Variants in ADGRL3 observed in about 807,000 individuals in gnomAD.
ADGRL3 encodes the protein adhesion G protein-coupled receptor L3.
A neutral mutation model predicts 153.5 loss-of-function variants in ADGRL3; 62 were observed. That is an observed-to-expected ratio of 0.40 (90% confidence interval 0.33 to 0.50). The LOEUF is 0.50. ADGRL3 is among the 20% of genes least tolerant of loss of function. ADGRL3 has a pLI of 0.47. For missense variants in ADGRL3, 1,641 were observed against 1,859.4 expected, an observed-to-expected ratio of 0.88 and a Z score of 2.16; for synonymous variants, 710 against 672.5, an observed-to-expected ratio of 1.06 and a Z score of -0.86.
intron 23 of ADGRL3, among the ~76,000 whole-genome samples, chr4:62,033,126 G>A (rs994407746): frequency 5.9e-5 from 9 of 151,726 alleles, no homozygotes; most frequent in Non-Finnish European, 1.2e-4. Context: ...AAGGGACATA[G>A]GCTGATGAAG....
intron 9 of ADGRL3, among the ~76,000 whole-genome samples, chr4:61,853,789 C>G (rs2098234553): frequency 6.6e-6 from 1 of 152,112 alleles, no homozygotes; most frequent in African/African-American, 2.4e-5. Context: ...TCCAGGTTTC[C>G]CAGTCATAGT....
chr4:61,917,203 C>G (rs765006129), intron 13 of ADGRL3, among the ~76,000 whole-genome samples: 1 of 152,108 alleles, frequency 6.6e-6, no homozygotes, highest in African/African-American at 2.4e-5. Flanking sequence ...AGAGGCGTGT[C>G]CTCCTAATCT....
At chr4:61,239,189 A>C (rs1753996473) in intron 1 of ADGRL3, among the ~76,000 whole-genome samples, 1 of 152,178 alleles carries the variant, frequency 6.6e-6, no homozygotes, top group Admixed American at 6.6e-5. Flanking sequence ...GGAGAGTCAA[A>C]GCATGAATGA....
chr4:61,676,416 T>C (rs1466200164), intron 5 of ADGRL3, among the ~76,000 whole-genome samples: 4 of 152,052 alleles, frequency 2.6e-5, no homozygotes, highest in African/African-American at 9.6e-5. Context: ...TCAGTGAATT[T>C]ATTTTACAAC....
chr4:62,022,677 T>C (rs574354669), intron 21 of ADGRL3, among the ~76,000 whole-genome samples: 25 of 152,040 alleles, frequency 1.6e-4, no homozygotes, highest in Admixed American at 1.2e-3. Flanking sequence ...AGAATTATGT[T>C]AAATCTACCC....
chr4:61,413,152 A>T (rs1382302406), intron 2 of ADGRL3, among the ~76,000 whole-genome samples: 2 of 152,146 alleles, frequency 1.3e-5, no homozygotes, highest in African/African-American at 2.4e-5. Context: ...TACTGCTGAT[A>T]TTGAAGCTTT....
chr4:61,422,686 G>A (rs1346105438), intron 2 of ADGRL3, among the ~76,000 whole-genome samples: 1 of 151,986 alleles, frequency 6.6e-6, no homozygotes, highest in African/African-American at 2.4e-5. Context: ...GTAACACCCT[G>A]CTTGGGGGAA....
intron 2 of ADGRL3, among the ~76,000 whole-genome samples, chr4:61,474,784 A>G (rs1413325006): frequency 6.6e-6 from 1 of 152,132 alleles, no homozygotes; most frequent in Admixed American, 6.5e-5. Flanking sequence ...GTTCTCTGTT[A>G]TCTAAAAGCA....
chr4:61,797,442 T>A (rs948414787), intron 8 of ADGRL3, among the ~76,000 whole-genome samples: 2 of 152,178 alleles, frequency 1.3e-5, no homozygotes, highest in Non-Finnish European at 2.9e-5. Context: ...AAATAAAGCA[T>A]AATTTAAACT....
In ADGRL3 at chr4:61,732,812, C is replaced by T. The variant is rs187372699; in HGVS notation, c.657C>T (p.Ser219=). The change falls in exon 8 of 27, where the codon TCC becomes TCT. Residue 219 remains serine (S), a synonymous_variant. Transcript: ENST00000683033. The stretch of plus-strand genomic sequence containing the variant: ...ACCAGAGTGAACATTTGTTTGAGTC[C>T]GACCACCAATCTGGGGCGTGGTGCA... The part of the protein sequence containing the change: ...GVYQSEHLFE[S]DHQSGAWCKD... 339 of 1,605,640 alleles carry T rather than the reference C, an allele frequency of 2.1e-4. No homozygotes were observed. Among genetic ancestry groups the T allele is most frequent in the Non-Finnish European group, 2.6e-4 (310 of 1,175,940 alleles).
At chr4:61,640,659 A>G (rs2093625170) in intron 5 of ADGRL3, among the ~76,000 whole-genome samples, 1 of 152,154 alleles carries the variant, frequency 6.6e-6, no homozygotes, top group Non-Finnish European at 1.5e-5. Context: ...ATCAATAGGA[A>G]TTTTTGTTTG....
intron 9 of ADGRL3, among the ~76,000 whole-genome samples, chr4:61,844,575 A>ATATAT (rs71213013): frequency 3.8e-3 from 68 of 18,094 alleles, no homozygotes; most frequent in Admixed American, 5.6e-3. Flanking sequence ...AAAAAAAAAA[A>ATATAT]ATATATATAT....
At chr4:61,233,813 G>A (rs1751734635) in intron 1 of ADGRL3, among the ~76,000 whole-genome samples, 2 of 152,056 alleles carry the variant, frequency 1.3e-5, no homozygotes, top group Non-Finnish European at 2.9e-5. Flanking sequence ...TAACCAAGTA[G>A]TAGCCATGGA....
chr4:61,974,742 T>G (rs1343323889), intron 17 of ADGRL3, among the ~76,000 whole-genome samples: 1 of 152,226 alleles, frequency 6.6e-6, no homozygotes, highest in Non-Finnish European at 1.5e-5. Context: ...AGATTCCTCT[T>G]ATTTACATCT....
intron 1 of ADGRL3, among the ~76,000 whole-genome samples, chr4:61,235,696 A>G (rs1016558169): frequency 2.6e-5 from 4 of 152,168 alleles, no homozygotes; most frequent in Non-Finnish European, 5.9e-5. Flanking sequence ...TTGGCTAAGA[A>G]CATCACTATG....
chr4:61,956,440 C>A (rs1290996805), intron 17 of ADGRL3, among the ~76,000 whole-genome samples: 2 of 151,902 alleles, frequency 1.3e-5, no homozygotes, highest in Non-Finnish European at 2.9e-5. Context: ...ATATTTGACT[C>A]TTGTCAGATG....
At chr4:61,631,367 C>T (rs28713421) in intron 5 of ADGRL3, among the ~76,000 whole-genome samples, 84,643 of 152,056 alleles carry the variant, frequency 0.56, 26,828 homozygotes, top group Non-Finnish European at 0.74. Flanking sequence ...TCACAATGCA[C>T]ATTAATGCCT....
intron 3 of ADGRL3, among the ~76,000 whole-genome samples, chr4:61,508,965 A>G (rs1054271348): frequency 6.6e-6 from 1 of 152,064 alleles, no homozygotes; most frequent in Non-Finnish European, 1.5e-5. Flanking sequence ...AAACCATCAG[A>G]TCTTGTGAAA....
chr4:61,769,610 C>A (rs2097057011), intron 8 of ADGRL3, among the ~76,000 whole-genome samples: 1 of 152,064 alleles, frequency 6.6e-6, no homozygotes, highest in African/African-American at 2.4e-5. Context: ...TTGCTCACTT[C>A]ACCTGGGTGC....
Sources: allele counts gnomAD v4.1 joint callset (sites outside exome capture counted in the v4.1 genomes callset), GRCh38; gene constraint gnomAD v4.1.1; transcripts MANE v1.5; gene names NCBI Gene and HGNC (gene_info 2026-07-23, HGNC 2026-07-21).